Variants in LMTK2 observed in about 807,000 individuals in gnomAD.
LMTK2 encodes lemur tail kinase 2, also known as serine/threonine-protein kinase LMTK2.
A neutral mutation model predicts 127.5 loss-of-function variants in LMTK2; 37 were observed. The ratio of observed to expected loss-of-function variants is 0.29; its 90% CI spans 0.22 to 0.38. The LOEUF (loss-of-function observed/expected upper bound fraction) is 0.38, where lower values mean the gene tolerates loss of function less well. Among genes scored for constraint, LMTK2 ranks in the 10% least tolerant of loss-of-function variants. LMTK2 has a pLI of 1.00. For missense variants in LMTK2, 1,694 were observed against 1,920.3 expected (o/e 0.88, Z 2.20); for synonymous variants, 819 against 810.1 (o/e 1.01, Z -0.19).
chr7:98,139,465 C>G (rs1796646226), intron 2 of LMTK2, among the ~76,000 whole-genome samples: 1 of 152,120 alleles, frequency 6.6e-6, no homozygotes, highest in Non-Finnish European at 1.5e-5. Context: ...TTAGAATCAT[C>G]TGTTGGTATA....
chr7:98,177,714 A>C (rs1431921678), intron 7 of LMTK2, among the ~76,000 whole-genome samples: 1 of 150,934 alleles, frequency 6.6e-6, no homozygotes, highest in African/African-American at 2.4e-5. Flanking sequence ...TAAGAATTTC[A>C]CACCCTGTGG....
chr7:98,123,676 T>C (rs1021323985), intron 1 of LMTK2, among the ~76,000 whole-genome samples: 2 of 152,074 alleles, frequency 1.3e-5, no homozygotes, highest in Admixed American at 1.3e-4. Context: ...GAAAGTTGTG[T>C]GCTTTAGTTC....
In LMTK2 at chr7:98,203,924, G is replaced by C. The variant is rs966685192; in HGVS notation, c.4241-20G>C. On this transcript the variant is annotated intron_variant, in intron 12 of 13. Coordinates refer to ENST00000297293, the MANE Select transcript of LMTK2 (RefSeq NM_014916.4). ...ATCACGCAGTGATAAAAAGGGTGGG[G>C]TTTTATTTTTTATTTCTAGGTGGTG... 1 of 1,612,016 alleles carries C rather than the reference G, an allele frequency of 6.2e-7. No individual in the cohort carries two copies. Among genetic ancestry groups the C allele is most frequent in the African/African-American group, 1.3e-5 (1 of 74,816 alleles).
chr7:98,200,234 GC>G (rs1377483933), intron 11 of LMTK2, among the ~76,000 whole-genome samples: 1 of 152,044 alleles, frequency 6.6e-6, no homozygotes, highest in Non-Finnish European at 1.5e-5. Context: ...TAGGCCTTTT[GC>G]CCTCCGTCCC....
At position 98,190,789 on chromosome 7, in the gene LMTK2, T is replaced by G; in HGVS notation, c.1060T>G (p.Ser354Ala). The change falls in exon 10 of 14, where the codon TCC becomes GCC. Residue 354 changes from serine (S) to alanine (A), a missense_variant. Transcript: ENST00000297293. ...TGCCGCACAGCCGTATTCAAACCTT[T>G]CCAACTTAGATGTCCTCAACCAAGT... ...DNAAQPYSNL[S>A]NLDVLNQVIR... The G allele has an allele frequency of 1.2e-6, 2 of 1,614,118 alleles. No homozygotes were observed. The highest frequency in any genetic ancestry group is 1.7e-6 in the Non-Finnish European group (2 of 1,180,016).
At chr7:98,190,290 G>A (rs1797502185) in intron 9 of LMTK2, among the ~76,000 whole-genome samples, 1 of 152,192 alleles carries the variant, frequency 6.6e-6, no homozygotes, top group African/African-American at 2.4e-5. Flanking sequence ...TCAGATTAAA[G>A]AACAATCTTG....
intron 11 of LMTK2, among the ~76,000 whole-genome samples, chr7:98,198,959 TTAC>T (rs1175566588): frequency 6.6e-6 from 1 of 152,156 alleles, no homozygotes; most frequent in African/African-American, 2.4e-5. Flanking sequence ...TAATTAATAA[TTAC>T]TAATAATTGG....
At chr7:98,174,143 A>G (rs1797241668) in intron 7 of LMTK2, among the ~76,000 whole-genome samples, 1 of 150,842 alleles carries the variant, frequency 6.6e-6, no homozygotes, top group South Asian at 2.1e-4. Flanking sequence ...TCATATCTAT[A>G]TTAAATTTCT....
chr7:98,205,769 G>T lies in LMTK2; in HGVS notation c.*277G>T. On this transcript the variant is annotated 3_prime_UTR_variant, in exon 14 of 14. Transcript: ENST00000297293. The stretch of plus-strand genomic sequence containing the variant: ...AGGCAGTGCTCATGCGCTGGCCGTC[G>T]GGGGAGGCAGGGGCACAGCCTCCAT... The T allele has an allele frequency of 1.9e-6, 1 of 535,684 alleles. No homozygotes were observed. The highest frequency in any genetic ancestry group is 3.4e-6 in the Non-Finnish European group (1 of 295,464). The allele number at this position is 535,684 out of a possible 1,614,324, so 33.2% of individuals were successfully genotyped here. A position where few individuals can be genotyped will look rare whatever the true frequency, so the allele number is the denominator to read the frequency against.
chr7:98,193,097 A>G lies in LMTK2; in HGVS notation c.2632A>G (p.Ser878Gly). The change falls in exon 11 of 14, where the codon AGC (serine) becomes GGC (glycine). Residue 878 changes from serine to glycine, a missense_variant. Coordinates refer to ENST00000297293, the MANE Select transcript of LMTK2 (RefSeq NM_014916.4). The surrounding 1 kb of genome is among the most constrained non-coding windows in gnomAD (Gnocchi z 4.1). ...EILSTDARTH[S>G]LDNRSQDSPG... ...TCTCTCAACTGATGCCAGAACCCAC[A>G]GCCTGGATAACAGGTCCCAGGACTC... is the stretch of plus-strand genomic sequence containing the variant. 1 of 1,613,758 alleles carries G rather than the reference A, an allele frequency of 6.2e-7. No homozygotes were observed. The highest frequency in any genetic ancestry group is 8.5e-7 in the Non-Finnish European group (1 of 1,180,022).
At position 98,193,889 on chromosome 7, in the gene LMTK2, C is replaced by A. The variant is rs1184730133; in HGVS notation, c.3424C>A (p.Pro1142Thr). The part of the protein sequence containing the change: ...QEQPLPEPVL[P>T]EQSPAAQDSC... ...GCAGCCCCTACCCGAGCCAGTCCTC[C>A]CCGAGCAAAGTCCTGCTGCCCAGGA... Residue 1142 changes from proline to threonine, a missense_variant, in exon 11 of 14, where the codon CCC (proline) becomes ACC (threonine). Physicochemically the swap from Pro to Thr is conservative, Grantham distance 38 (BLOSUM62 -1). Transcript: ENST00000297293. The surrounding 1 kb of genome is among the most constrained non-coding windows in gnomAD (Gnocchi z 4.1). The A allele has an allele frequency of 6.2e-7, 1 of 1,614,118 alleles. No homozygotes were observed. The highest frequency in any genetic ancestry group is 1.3e-5 in the African/African-American group (1 of 75,030).
At chr7:98,155,091 C>T (rs1032154472) in intron 5 of LMTK2, among the ~76,000 whole-genome samples, 1 of 152,146 alleles carries the variant, frequency 6.6e-6, no homozygotes, top group Admixed American at 6.5e-5. Context: ...CAACAGATTC[C>T]AACACAGATG....
At chr7:98,139,733 A>G (rs1796649303) in intron 2 of LMTK2, among the ~76,000 whole-genome samples, 1 of 152,236 alleles carries the variant, frequency 6.6e-6, no homozygotes. Context: ...GTCTTCTCAC[A>G]CGCATATGGA....
At chr7:98,198,740 C>T (rs754446653) in intron 11 of LMTK2, among the ~76,000 whole-genome samples, 3 of 152,140 alleles carry the variant, frequency 2.0e-5, no homozygotes, top group African/African-American at 4.8e-5. Flanking sequence ...CTTGGCTTCC[C>T]GAAGTGCTGG....
At chr7:98,203,164 T>C (rs1229599704) in intron 11 of LMTK2, among the ~76,000 whole-genome samples, 3 of 152,172 alleles carry the variant, frequency 2.0e-5, no homozygotes, top group African/African-American at 7.2e-5. Flanking sequence ...CCCTTCCTGC[T>C]CCGAAGCCAG....
intron 7 of LMTK2, among the ~76,000 whole-genome samples, chr7:98,177,235 G>C (rs1329867159): frequency 6.6e-6 from 1 of 152,204 alleles, no homozygotes. Flanking sequence ...GTTTTTCTCT[G>C]TACAGGTGTA....
At chr7:98,146,861 G>A (rs559730742) in intron 3 of LMTK2, among the ~76,000 whole-genome samples, 1 of 152,246 alleles carries the variant, frequency 6.6e-6, no homozygotes, top group South Asian at 2.1e-4. Context: ...TCTTCAGATG[G>A]CTTTGAGTTA....
intron 7 of LMTK2, among the ~76,000 whole-genome samples, chr7:98,176,771 C>T (rs1456378568): frequency 2.0e-5 from 3 of 152,076 alleles, no homozygotes; most frequent in Non-Finnish European, 4.4e-5. Flanking sequence ...CGCTTGAACC[C>T]GGGAGGCAGA....
intron 3 of LMTK2, among the ~76,000 whole-genome samples, chr7:98,148,350 G>A (rs538131267): frequency 1.3e-5 from 2 of 150,920 alleles, no homozygotes; most frequent in Admixed American, 6.6e-5. Flanking sequence ...AAAGTTAGCC[G>A]GGCATGGTGG....
Sources: allele counts gnomAD v4.1 joint callset (sites outside exome capture counted in the v4.1 genomes callset), GRCh38; gene constraint gnomAD v4.1.1; non-coding constraint Gnocchi (gnomAD v3.1); transcripts MANE v1.5; gene names NCBI Gene and HGNC (gene_info 2026-07-23, HGNC 2026-07-21).